The following STRN variants were observed in gnomAD, a reference collection of about 807,000 sequenced individuals.
STRN encodes the protein striatin.
In STRN, 53 loss-of-function variants were observed where a neutral mutation model predicts 96.3. The observed-to-expected ratio is 0.55, with a 90% CI of 0.44 to 0.69. STRN has a LOEUF of 0.69. STRN is among the 30% of genes least tolerant of loss of function. The probability of loss-of-function intolerance (pLI) is 0.00; values close to 1 mark genes in which losing one functional copy is unlikely to be tolerated. For synonymous variants in STRN, 428 were observed against 355.9 expected (o/e 1.20, Z -2.28); for missense variants, 987 against 963.9 (o/e 1.02, Z -0.32).
chr2:36,875,457 G>T (rs1668878313), intron 10 of STRN, among the ~76,000 whole-genome samples: 1 of 124,864 alleles, frequency 8.0e-6, no homozygotes, highest in South Asian at 2.7e-4. Flanking sequence ...AGTGAGCTGT[G>T]ATCACACTAC....
chr2:36,908,805 CT>C (rs1669890088), intron 3 of STRN, among the ~76,000 whole-genome samples: 1 of 152,062 alleles, frequency 6.6e-6, no homozygotes, highest in African/African-American at 2.4e-5. Context: ...GAAACTTCAT[CT>C]CTACTAAAAA....
At chr2:36,954,827 C>T (rs540925872) in intron 1 of STRN, among the ~76,000 whole-genome samples, 55 of 151,962 alleles carry the variant, frequency 3.6e-4, no homozygotes, top group East Asian at 1.4e-3. Context: ...TTAGTAGAAA[C>T]GGGGTTTCAC....
intron 5 of STRN, among the ~76,000 whole-genome samples, chr2:36,901,878 G>A (rs1669692847): frequency 1.3e-5 from 2 of 152,048 alleles, no homozygotes; most frequent in South Asian, 2.1e-4. Context: ...AAAATTTATA[G>A]AGTTCAATTA....
At chr2:36,886,891 T>G in intron 7 of STRN, 65 bp from the exon 8 acceptor site, 1 of 1,299,324 alleles carries the variant, frequency 7.7e-7, no homozygotes. Flanking sequence ...TGAGTCAGTA[T>G]GTCTGAATGA....
chr2:36,861,263 T>A lies in STRN; in HGVS notation c.1548-10A>T, dbSNP rs746592085. On this transcript the variant is annotated splice_polypyrimidine_tract_variant and intron_variant, in intron 12 of 17. Transcript: ENST00000263918. ...ACAAAGCACTGGACCTCTGGGAGATTAAAAAAAATAAATCAACTGCTATTC... is the reference window on the plus strand; with the variant it reads ...ACAAAGCACTGGACCTCTGGGAGATAAAAAAAAATAAATCAACTGCTATTC... 6.2e-7 allele frequency: 1 copy of A among 1,602,820 alleles called. No individual in the cohort carries two copies. Among genetic ancestry groups the A allele is most frequent in the Non-Finnish European group, 8.5e-7 (1 of 1,176,240 alleles).
intron 2 of STRN, among the ~76,000 whole-genome samples, chr2:36,922,548 C>T (rs1670289350): frequency 6.6e-6 from 1 of 151,040 alleles, no homozygotes; most frequent in Admixed American, 6.6e-5. Context: ...AAAATTAAAC[C>T]TCCCACATTC....
chr2:36,926,287 T>G (rs879318858), intron 1 of STRN, among the ~76,000 whole-genome samples: 1 of 152,228 alleles, frequency 6.6e-6, no homozygotes, highest in Non-Finnish European at 1.5e-5. Context: ...ATTGAAACTA[T>G]GTCACAAACA....
intron 12 of STRN, among the ~76,000 whole-genome samples, chr2:36,864,462 G>T (rs1366721995): frequency 6.6e-6 from 1 of 152,178 alleles, no homozygotes; most frequent in African/African-American, 2.4e-5. Context: ...CACATTTATT[G>T]ATTTGTGTAT....
intron 1 of STRN, among the ~76,000 whole-genome samples, chr2:36,955,222 T>C (rs1260873824): frequency 6.6e-6 from 1 of 152,302 alleles, no homozygotes; most frequent in Non-Finnish European, 1.5e-5. Context: ...CTAGGACTCA[T>C]GGGTTCTAAA....
intron 2 of STRN, 125 bp from the exon 3 acceptor site, chr2:36,916,276 G>A: frequency 1.3e-6 from 1 of 757,100 alleles, no homozygotes; most frequent in African/African-American, 1.8e-5. Context: ...AAGGCTCATA[G>A]CTTTCCATGG....
In STRN at chr2:36,883,983, T is replaced by C; in HGVS notation, c.1135A>G (p.Arg379Gly). The C allele has an allele frequency of 6.9e-7, 1 of 1,444,842 alleles. No homozygotes were observed. Among genetic ancestry groups the C allele is most frequent in the Admixed American group, 2.3e-5 (1 of 42,722 alleles). The allele number at this position is 1,444,842 out of a possible 1,614,324, so 89.5% of individuals were successfully genotyped here. Residue 379 changes from arginine (R) to glycine (G), a missense_variant, in exon 9 of 18, where the codon AGA (arginine) becomes GGA (glycine). Transcript: ENST00000263918. ...SLQPSVGSPS[R>G]PSSSRLPEHE... ...TCAGGAAGCCTGGAGCTGCTGGGTC[T>C]GGAAGGTGAACCCACAGATGGCTGC... is the stretch of plus-strand genomic sequence containing the variant.
intron 3 of STRN, among the ~76,000 whole-genome samples, chr2:36,909,462 G>A (rs1017626588): frequency 3.9e-5 from 6 of 151,958 alleles, no homozygotes; most frequent in Non-Finnish European, 8.8e-5. Flanking sequence ...CAAAACAGAC[G>A]ATAAACAATG....
chr2:36,861,286 T>C (rs1668473393), intron 12 of STRN, 33 bp from the exon 13 acceptor site: 1 of 1,603,110 alleles, frequency 6.2e-7, no homozygotes, highest in African/African-American at 1.3e-5. Flanking sequence ...TCAACTGCTA[T>C]TCTCAAAAAC....
At chr2:36,887,266 AAAATAAAT>A (rs34577574) in intron 7 of STRN, among the ~76,000 whole-genome samples, 3,106 of 136,454 alleles carry the variant, frequency 0.023, 48 homozygotes, top group South Asian at 0.045. Flanking sequence ...CATTTCTAGT[AAAATAAAT>A]AAATAAATAA....
rs1667856613 is a variant in STRN, at chr2:36,837,806, G to C, written c.*11650C>G. ...GTTTGCATCCAAGATAAGAAAATCT[G>C]AACATATATTGTACAACATACAAAA... On this transcript the variant is annotated 3_prime_UTR_variant, in exon 18 of 18. Coordinates refer to ENST00000263918, the MANE Select transcript of STRN (RefSeq NM_003162.4). 6.6e-6 allele frequency among the ~76,000 whole-genome samples: 1 copy of C among 152,114 alleles called. No homozygotes were observed. The highest frequency in any genetic ancestry group is 6.5e-5 in the Admixed American group (1 of 15,270).
At chr2:36,881,876 T>G (rs1306916719) in intron 9 of STRN, among the ~76,000 whole-genome samples, 4 of 152,214 alleles carry the variant, frequency 2.6e-5, no homozygotes, top group African/African-American at 7.2e-5. Context: ...TAGACCTGAT[T>G]TTGGGATTAA....
chr2:36,961,166 G>A (rs1025799587), intron 1 of STRN, among the ~76,000 whole-genome samples: 4 of 125,214 alleles, frequency 3.2e-5, no homozygotes, highest in Admixed American at 9.7e-5. Context: ...TCCTTCTGTC[G>A]CCCAGGCTGG....
intron 6 of STRN, among the ~76,000 whole-genome samples, chr2:36,898,081 T>C (rs560775739): frequency 6.6e-6 from 1 of 152,336 alleles, no homozygotes; most frequent in South Asian, 2.1e-4. Flanking sequence ...TAGGAATTTC[T>C]AGTAAGATCA....
At chr2:36,921,713 T>TCC (rs911426863) in intron 2 of STRN, among the ~76,000 whole-genome samples, 2 of 31,986 alleles carry the variant, frequency 6.3e-5, no homozygotes, top group African/African-American at 5.6e-4. Context: ...TGTTGATGTG[T>TCC]CTATTTCAGC....
Sources: gnomAD v4.1 joint callset for allele counts (sites outside exome capture counted in the v4.1 genomes callset) on GRCh38, gnomAD v4.1.1 for gene constraint, MANE v1.5 for transcripts, NCBI Gene and HGNC (gene_info 2026-07-23, HGNC 2026-07-21) for gene names.